Variants in KLHL32 observed in about 807,000 individuals in gnomAD.
KLHL32 encodes kelch-like protein 32.
In KLHL32, 35 loss-of-function variants were observed where a neutral mutation model predicts 64.8. The ratio of observed to expected loss-of-function variants is 0.54; its 90% CI spans 0.41 to 0.72. The LOEUF is 0.72. Ranked by LOEUF, KLHL32 falls within the 30% of genes least tolerant of loss-of-function variation. KLHL32 has a pLI of 0.00. For synonymous variants in KLHL32, 259 were observed against 281.0 expected, an observed-to-expected ratio of 0.92 and a Z score of 0.78; for missense variants, 589 against 768.5, an observed-to-expected ratio of 0.77 and a Z score of 2.76.
At chr6:96,972,736 G>A (rs1775249674) in intron 2 of KLHL32, among the ~76,000 whole-genome samples, 1 of 152,158 alleles carries the variant, frequency 6.6e-6, no homozygotes, top group African/African-American at 2.4e-5. Context: ...GCTCTAAGTT[G>A]AGAGGCTTAG....
intron 1 of KLHL32, among the ~76,000 whole-genome samples, chr6:96,966,647 G>C (rs1774489055): frequency 1.3e-5 from 2 of 152,278 alleles, no homozygotes; most frequent in South Asian, 4.1e-4. Context: ...AAGTCAACTA[G>C]TATTTGTGGT....
chr6:97,127,527 T>C, intron 8 of KLHL32, 65 bp downstream of exon 8: 1 of 1,316,222 alleles, frequency 7.6e-7, no homozygotes, highest in South Asian at 1.2e-5. Context: ...CCAGAGTAAT[T>C]AGTAATTGGA....
the KLHL32 span, among the ~76,000 whole-genome samples, chr6:96,910,438 A>G: frequency 6.6e-6 from 1 of 152,166 alleles, no homozygotes; most frequent in Non-Finnish European, 1.5e-5. Context: ...AGCATTGTGT[A>G]TGAGCACTCT....
chr6:97,021,872 A>G (rs6916283), intron 3 of KLHL32, among the ~76,000 whole-genome samples: 10,451 of 150,716 alleles, frequency 0.069, 1,363 homozygotes, highest in African/African-American at 0.19. Flanking sequence ...TTCAATTTCA[A>G]TTAATGGCAA....
chr6:97,049,689 A>T (rs753341671), intron 4 of KLHL32, among the ~76,000 whole-genome samples: 4 of 152,188 alleles, frequency 2.6e-5, no homozygotes, highest in Admixed American at 6.5e-5. Context: ...GTTGACATGG[A>T]AAGTTTGAGA....
chr6:97,098,367 T>A (rs1795273305), intron 6 of KLHL32, among the ~76,000 whole-genome samples: 1 of 152,194 alleles, frequency 6.6e-6, no homozygotes, highest in Non-Finnish European at 1.5e-5. Flanking sequence ...GTTGTCTTCA[T>A]TATTTTTTTT....
At chr6:96,989,222 G>A (rs1374313682) in intron 3 of KLHL32, among the ~76,000 whole-genome samples, 2 of 152,216 alleles carry the variant, frequency 1.3e-5, no homozygotes, top group Admixed American at 1.3e-4. Flanking sequence ...AAGTGTTTTT[G>A]TGGTAGCTGG....
At chr6:96,957,441 T>C (rs1161172968) in intron 1 of KLHL32, among the ~76,000 whole-genome samples, 69 of 152,216 alleles carry the variant, frequency 4.5e-4, no homozygotes, top group Admixed American at 4.5e-3. Flanking sequence ...TTATTTATCA[T>C]ACAAATAATT....
At chr6:97,131,487 C>T (rs1457757076) in intron 9 of KLHL32, among the ~76,000 whole-genome samples, 1 of 152,124 alleles carries the variant, frequency 6.6e-6, no homozygotes, top group Non-Finnish European at 1.5e-5. Flanking sequence ...AAGCATTTAC[C>T]ACAGAGCAAC....
chr6:97,021,061 GA>G (rs1422557830), intron 3 of KLHL32, among the ~76,000 whole-genome samples: 2 of 150,930 alleles, frequency 1.3e-5, no homozygotes, highest in Non-Finnish European at 1.5e-5. Context: ...TATATATAGA[GA>G]AAAAAAGATT....
the KLHL32 span, among the ~76,000 whole-genome samples, chr6:96,908,211 G>A: frequency 6.6e-6 from 1 of 152,158 alleles, no homozygotes; most frequent in Non-Finnish European, 1.5e-5. Flanking sequence ...GGAAATAGGA[G>A]GAAATTTCAA....
chr6:97,124,571 G>A (rs1217544323), intron 7 of KLHL32, among the ~76,000 whole-genome samples: 1 of 152,178 alleles, frequency 6.6e-6, no homozygotes, highest in African/African-American at 2.4e-5. Context: ...GATACATACA[G>A]TAGTGTAAGT....
chr6:97,015,517 G>C (rs867710984), intron 3 of KLHL32, among the ~76,000 whole-genome samples: 1 of 152,208 alleles, frequency 6.6e-6, no homozygotes, highest in South Asian at 2.1e-4. Flanking sequence ...CAAAGAGACT[G>C]TCGGCATTTT....
intron 1 of KLHL32, among the ~76,000 whole-genome samples, chr6:96,928,245 G>C (rs377618096): frequency 1.3e-5 from 2 of 152,250 alleles, no homozygotes; most frequent in African/African-American, 4.8e-5. Flanking sequence ...TGATGGCTGG[G>C]TATGATTATA....
In KLHL32 at chr6:97,052,742, T is replaced by C. The variant is rs59368141; in HGVS notation, c.312+11143T>C. ...TAGTATTGACTCGATTGAGAAGGACTTCTTAAATATTTTAAATTTTATACC... is the reference window on the plus strand; with the variant it reads ...TAGTATTGACTCGATTGAGAAGGACCTCTTAAATATTTTAAATTTTATACC... On this transcript the variant is annotated intron_variant, in intron 4 of 10. Coordinates refer to ENST00000369261, the MANE Select transcript of KLHL32 (RefSeq NM_052904.4). Among the ~76,000 whole-genome samples the C allele has an allele frequency of 8.6e-3, 1,307 of 152,330 alleles. 18 individuals are homozygous for C. The highest frequency in any genetic ancestry group is 0.03 in the African/African-American group (1,262 of 41,576).
chr6:96,957,888 A>C (rs951744655), intron 1 of KLHL32, among the ~76,000 whole-genome samples: 3 of 152,226 alleles, frequency 2.0e-5, no homozygotes, highest in Non-Finnish European at 4.4e-5. Context: ...TCGTAATACA[A>C]ACTAAAACAT....
chr6:97,068,188 A>T (rs973060869), intron 5 of KLHL32, among the ~76,000 whole-genome samples: 1 of 152,216 alleles, frequency 6.6e-6, no homozygotes, highest in African/African-American at 2.4e-5. Flanking sequence ...GAAAAAAAAA[A>T]GTTTATACAT....
rs1181007977 is a variant in KLHL32 at position 97,139,211 on chromosome 6, C to A, written c.1792C>A (p.Pro598Thr). 1 of 1,614,004 alleles carries A rather than the reference C, an allele frequency of 6.2e-7. No individual in the cohort carries two copies. The highest frequency in any genetic ancestry group is 2.2e-5 in the East Asian group (1 of 44,860). Residue 598 changes from proline to threonine, a missense_variant, in exon 11 of 11, where the codon CCA (proline) becomes ACA (threonine). Physicochemically the swap from Pro to Thr is conservative, Grantham distance 38. Around this residue, in one of 3 missense-constraint regions of KLHL32, gnomAD observed 172 missense variants for 192.0 expected, o/e 0.90. Transcript: ENST00000369261. The stretch of plus-strand genomic sequence containing the variant: ...CAATGGAATAGCAGCATGCTTCCTT[C>A]CAGCTCCATATTTTACATGCCCTAA... ...ASNGIAACFL[P>T]APYFTCPNLQ... is the part of the protein sequence containing the mutation.
chr6:96,984,529 C>G (rs946522534), intron 3 of KLHL32, among the ~76,000 whole-genome samples: 1 of 152,148 alleles, frequency 6.6e-6, no homozygotes, highest in African/African-American at 2.4e-5. Flanking sequence ...TTATAGGTCT[C>G]TAAGGACTTG....
Sources: allele counts gnomAD v4.1 joint callset (sites outside exome capture counted in the v4.1 genomes callset), GRCh38; gene constraint gnomAD v4.1.1; regional missense constraint gnomAD v4.1.1; transcripts MANE v1.5; gene names NCBI Gene and HGNC (gene_info 2026-07-23, HGNC 2026-07-21).